ZNF626: variants seen among roughly 807,000 people sequenced by gnomAD.
The protein encoded by ZNF626 is zinc finger protein 626.
A neutral mutation model predicts 11.7 loss-of-function variants in ZNF626; 4 were observed. The ratio of observed to expected loss-of-function variants is 0.34; its 90% CI spans 0.17 to 0.78. The LOEUF (loss-of-function observed/expected upper bound fraction) is 0.78. Among genes scored for constraint, ZNF626 ranks in the 30% least tolerant of loss-of-function variants. The pLI, the probability that ZNF626 is intolerant of heterozygous loss-of-function variation, is 0.57. For synonymous variants in ZNF626, 179 were observed against 198.6 expected (o/e 0.90, Z 0.83); for missense variants, 588 against 587.1 (o/e 1.00, Z -0.01).
rs183178178 is a variant in ZNF626 at position 20,632,522 on chromosome 19, C to T, written c.227-6872G>A. On this transcript the variant is annotated intron_variant, in intron 3 of 3. Transcript: ENST00000601440. Reference sequence around the variant, plus strand: ...TTTTTTCTCTAAACTTCTCTTCTCGCTTCATTTCATTCATTTCATTTTCCA... The same window carrying T: ...TTTTTTCTCTAAACTTCTCTTCTCGTTTCATTTCATTCATTTCATTTTCCA... 3.5e-3 allele frequency among the ~76,000 whole-genome samples: 531 copies of T among 152,276 alleles called. 3 individuals are homozygous for T. Among genetic ancestry groups the T allele is most frequent in the African/African-American group, 0.011 (464 of 41,554 alleles).
intron 1 of ZNF626, among the ~76,000 whole-genome samples, chr19:20,651,003 A>T (rs1031715196): frequency 2.0e-5 from 3 of 152,098 alleles, no homozygotes; most frequent in South Asian, 2.1e-4. Context: ...ACTAACCAAG[A>T]TTTTGAAACC....
intron 2 of ZNF626, 33 bp from the exon 3 acceptor site, chr19:20,645,812 G>C (rs1555771858): frequency 6.5e-7 from 1 of 1,535,770 alleles, no homozygotes; most frequent in Non-Finnish European, 8.9e-7. Flanking sequence ...CATAAATCTT[G>C]CTTATGTTCT....
At chr19:20,628,849 C>A (rs1379782170) in intron 3 of ZNF626, among the ~76,000 whole-genome samples, 4 of 152,108 alleles carry the variant, frequency 2.6e-5, no homozygotes, top group African/African-American at 9.7e-5. Context: ...AGACATGAAG[C>A]CCTTGCCCAT....
intron 1 of ZNF626, among the ~76,000 whole-genome samples, chr19:20,656,620 T>G (rs1555773140): frequency 6.6e-6 from 1 of 151,034 alleles, no homozygotes; most frequent in African/African-American, 2.4e-5. Flanking sequence ...CATTAAAAAG[T>G]AGGCAAATAA....
intron 3 of ZNF626, among the ~76,000 whole-genome samples, chr19:20,627,342 TC>T (rs1969848890): frequency 1.3e-5 from 2 of 151,992 alleles, no homozygotes; most frequent in African/African-American, 4.8e-5. Flanking sequence ...ATTTTTGTAT[TC>T]AACTGAAGTT....
intron 3 of ZNF626, among the ~76,000 whole-genome samples, chr19:20,633,806 A>G (rs1475456936): frequency 6.6e-6 from 1 of 152,104 alleles, no homozygotes; most frequent in African/African-American, 2.4e-5. Flanking sequence ...TCCTGCGCCT[A>G]CTGTCTGGCA....
At chr19:20,632,185 T>C (rs1285956747) in intron 3 of ZNF626, among the ~76,000 whole-genome samples, 23 of 152,240 alleles carry the variant, frequency 1.5e-4, no homozygotes, top group Admixed American at 1.4e-3. Flanking sequence ...CTTCCCTTTG[T>C]GGATAACCCG....
chr19:20,642,112 A>C (rs1555771526), intron 3 of ZNF626, among the ~76,000 whole-genome samples: 1 of 152,226 alleles, frequency 6.6e-6, no homozygotes. Context: ...TAAGAATATA[A>C]GATAAGCCAT....
intron 3 of ZNF626, among the ~76,000 whole-genome samples, chr19:20,628,481 G>GT (rs1555770035): frequency 6.6e-6 from 1 of 152,164 alleles, no homozygotes; most frequent in East Asian, 1.9e-4. Flanking sequence ...TCTAACTGGT[G>GT]TGAGATGGTA....
At chr19:20,627,168 A>T (rs998390070) in intron 3 of ZNF626, among the ~76,000 whole-genome samples, 1 of 152,204 alleles carries the variant, frequency 6.6e-6, no homozygotes, top group African/African-American at 2.4e-5. Flanking sequence ...CAATTGAAAA[A>T]TTTCTTAAAA....
chr19:20,642,691 T>C (rs1478882460), intron 3 of ZNF626, among the ~76,000 whole-genome samples: 1 of 152,052 alleles, frequency 6.6e-6, no homozygotes, highest in Non-Finnish European at 1.5e-5. Context: ...TGTTTACTCA[T>C]AAAATCTGGT....
chr19:20,643,337 T>C (rs138313976), intron 3 of ZNF626, among the ~76,000 whole-genome samples: 3,490 of 150,244 alleles, frequency 0.023, 145 homozygotes, highest in African/African-American at 0.081. Context: ...GGTTAGACCC[T>C]CTGATATGTA....
At chr19:20,649,382 C>T (rs1487348939) in intron 1 of ZNF626, among the ~76,000 whole-genome samples, 1 of 152,126 alleles carries the variant, frequency 6.6e-6, no homozygotes, top group Admixed American at 6.5e-5. Flanking sequence ...TCCCCTGCCA[C>T]GGACACCAGC....
chr19:20,659,608 T>C (rs1970242505), intron 1 of ZNF626, among the ~76,000 whole-genome samples: 1 of 151,946 alleles, frequency 6.6e-6, no homozygotes, highest in Non-Finnish European at 1.5e-5. Flanking sequence ...GGGATGGAGA[T>C]AAGCCATCTC....
chr19:20,636,370 C>A (rs1175411326), intron 3 of ZNF626, among the ~76,000 whole-genome samples: 1 of 151,640 alleles, frequency 6.6e-6, no homozygotes, highest in Non-Finnish European at 1.5e-5. Context: ...TTGTTATATA[C>A]AATTATAATA....
At chr19:20,636,850 G>A (rs774371614) in intron 3 of ZNF626, among the ~76,000 whole-genome samples, 2 of 151,958 alleles carry the variant, frequency 1.3e-5, no homozygotes, top group East Asian at 1.9e-4. Context: ...GTGAAACACC[G>A]TTTGTACTAA....
At chr19:20,652,863 T>C (rs889337426) in intron 1 of ZNF626, among the ~76,000 whole-genome samples, 2 of 152,068 alleles carry the variant, frequency 1.3e-5, no homozygotes, top group Non-Finnish European at 2.9e-5. Context: ...AAGAAAGAAA[T>C]GGAGATTTTC....
chr19:20,624,320 G>T lies in ZNF626; in HGVS notation c.1557C>A (p.Ser519Arg), dbSNP rs367783480. Residue 519 changes from serine (S) to arginine (R), a missense_variant, in exon 4 of 4, where the codon AGC becomes AGA. Coordinates refer to ENST00000601440, the MANE Select transcript of ZNF626 (RefSeq NM_001076675.3). ...TNVKNVAKPS[S>R]GPHTLLHIR Reference sequence around the variant, plus strand: ...TTATGTGTAGTAAGGTGTGAGGACCGCTTGAAGGCTTTGCCACATTCTTCA... The same window carrying T: ...TTATGTGTAGTAAGGTGTGAGGACCTCTTGAAGGCTTTGCCACATTCTTCA... 1 of 1,613,628 alleles carries T rather than the reference G, an allele frequency of 6.2e-7. No homozygotes were observed. The highest frequency in any genetic ancestry group is 2.2e-5 in the East Asian group (1 of 44,832).
At chr19:20,649,394 A>G (rs1288220570) in intron 1 of ZNF626, among the ~76,000 whole-genome samples, 1 of 152,114 alleles carries the variant, frequency 6.6e-6, no homozygotes, top group African/African-American at 2.4e-5. Flanking sequence ...GACACCAGCC[A>G]TTTCTGCTAC....
Sources: gnomAD v4.1 joint callset for allele counts (sites outside exome capture counted in the v4.1 genomes callset) on GRCh38, gnomAD v4.1.1 for gene constraint, MANE v1.5 for transcripts, NCBI Gene and HGNC (gene_info 2026-07-23, HGNC 2026-07-21) for gene names.